CALD1: variants seen among roughly 807,000 people sequenced by gnomAD.
CALD1 encodes caldesmon 1, also known as caldesmon.
Under a neutral mutation model 99.9 loss-of-function variants are expected in CALD1, and 33 were observed. That is an observed-to-expected ratio of 0.33 (90% CI 0.25 to 0.44). The LOEUF is 0.44. Among genes scored for constraint, CALD1 ranks in the 20% least tolerant of loss-of-function variants. The pLI, the probability that CALD1 is intolerant of heterozygous loss-of-function variation, is 1.00. For synonymous variants in CALD1, 310 were observed against 325.0 expected, an observed-to-expected ratio of 0.95 and a Z score of 0.50; for missense variants, 861 against 962.1, an observed-to-expected ratio of 0.89 and a Z score of 1.39.
rs777481428 is a variant in CALD1, at chr7:134,950,508, T to A, written c.1929T>A (p.Ser643=). 1 of 1,613,386 alleles carries A rather than the reference T, an allele frequency of 6.2e-7. No individual in the cohort carries two copies. Among genetic ancestry groups the A allele is most frequent in the Non-Finnish European group, 8.5e-7 (1 of 1,179,616 alleles). ...PFKCFTPKGS[S]LKIEERAEFL... ...AGTGTTTCACTCCTAAAGGTTCATC[T>A]CTCAAGGTATTTTTTTCCCCAGAAA... Residue 643 remains serine (S), a synonymous_variant, in exon 9 of 15, where the codon TCT becomes TCA. Transcript: ENST00000361675.
chr7:134,730,913 C>T, the CALD1 span, among the ~76,000 whole-genome samples: 1 of 152,090 alleles, frequency 6.6e-6, no homozygotes, highest in African/African-American at 2.4e-5. Context: ...TCTCCCACCC[C>T]ACCTATCCTA....
chr7:134,860,072 T>G (rs1462371287), intron 2 of CALD1, among the ~76,000 whole-genome samples: 1 of 152,162 alleles, frequency 6.6e-6, no homozygotes, highest in African/African-American at 2.4e-5. Context: ...TTCCATTGAT[T>G]AGAGAAAAGA....
At chr7:134,744,933 C>T (rs567790306) in intron 1 of CALD1, among the ~76,000 whole-genome samples, 12 of 152,250 alleles carry the variant, frequency 7.9e-5, no homozygotes, top group African/African-American at 2.6e-4. Flanking sequence ...TTTAATTGTG[C>T]CACGTATCAT....
the CALD1 span, among the ~76,000 whole-genome samples, chr7:134,712,328 T>C: frequency 6.6e-6 from 1 of 152,238 alleles, no homozygotes; most frequent in Non-Finnish European, 1.5e-5. Flanking sequence ...GTCTGGAATC[T>C]GTCTTGGCGC....
upstream of CALD1, among the ~76,000 whole-genome samples, chr7:134,740,790 A>G (rs980679747): frequency 6.6e-6 from 1 of 152,168 alleles, no homozygotes; most frequent in African/African-American, 2.4e-5. Flanking sequence ...GCTTTGTTCT[A>G]TGGTCTGTCT....
the CALD1 span, among the ~76,000 whole-genome samples, chr7:134,733,703 G>A: frequency 6.6e-6 from 1 of 151,934 alleles, no homozygotes; most frequent in Non-Finnish European, 1.5e-5. Context: ...CAGCTACTGG[G>A]GAGGCTGAGG....
At chr7:134,909,184 T>C (rs935777330) in intron 3 of CALD1, among the ~76,000 whole-genome samples, 1 of 152,196 alleles carries the variant, frequency 6.6e-6, no homozygotes, top group Non-Finnish European at 1.5e-5. Flanking sequence ...GTAGCAAGGA[T>C]AGGATGATAT....
chr7:134,902,228 T>G (rs1160787775), intron 3 of CALD1, among the ~76,000 whole-genome samples: 1 of 152,100 alleles, frequency 6.6e-6, no homozygotes, highest in Non-Finnish European at 1.5e-5. Context: ...GACTTTCTTT[T>G]TAACCCCACT....
intron 1 of CALD1, among the ~76,000 whole-genome samples, chr7:134,830,590 G>A (rs560004011): frequency 6.6e-6 from 1 of 151,992 alleles, no homozygotes; most frequent in African/African-American, 2.4e-5. Flanking sequence ...AGGCCCCAGT[G>A]TGTGTTGTTC....
chr7:134,783,258 G>A lies in CALD1; in HGVS notation c.-130+3509G>A, dbSNP rs890277831. Among the ~76,000 whole-genome samples the A allele has an allele frequency of 5.9e-5, 9 of 152,116 alleles. No individual in the cohort carries two copies. The highest frequency in any genetic ancestry group is 2.2e-4 in the African/African-American group (9 of 41,406). Reference sequence around the variant, plus strand: ...GTCTTTAGTGCTCCCAGCTGTAACCGACCCTAGTTGCATCCCTAACTTCCT... The same window carrying A: ...GTCTTTAGTGCTCCCAGCTGTAACCAACCCTAGTTGCATCCCTAACTTCCT... On this transcript the variant is annotated intron_variant, in intron 1 of 14. Coordinates refer to ENST00000361675, the MANE Select transcript of CALD1 (RefSeq NM_033138.4). The surrounding 1 kb of genome is among the most constrained non-coding windows in gnomAD (Gnocchi z 4.3).
intron 3 of CALD1, among the ~76,000 whole-genome samples, chr7:134,892,096 G>C (rs56399313): frequency 6.6e-6 from 1 of 152,164 alleles, no homozygotes; most frequent in Non-Finnish European, 1.5e-5. Flanking sequence ...CCAATCCTTA[G>C]AGTAAACAGC....
At chr7:134,715,879 G>A in the CALD1 span, among the ~76,000 whole-genome samples, 1 of 152,142 alleles carries the variant, frequency 6.6e-6, no homozygotes, top group Non-Finnish European at 1.5e-5. Flanking sequence ...GGAGCTAAAA[G>A]TTACTGGATG....
At chr7:134,881,598 T>G (rs768603814) in intron 3 of CALD1, among the ~76,000 whole-genome samples, 4 of 152,218 alleles carry the variant, frequency 2.6e-5, no homozygotes, top group Non-Finnish European at 5.9e-5. Context: ...CTGGATTCAC[T>G]TCTATATTAA....
intron 3 of CALD1, among the ~76,000 whole-genome samples, chr7:134,894,888 T>C (rs1802450206): frequency 6.6e-6 from 1 of 152,198 alleles, no homozygotes; most frequent in Admixed American, 6.5e-5. Flanking sequence ...ATATTTGTTT[T>C]AGTCCATAAA....
intron 3 of CALD1, among the ~76,000 whole-genome samples, chr7:134,872,723 A>T (rs67552569): frequency 0.086 from 13,047 of 152,252 alleles, 695 homozygotes; most frequent in South Asian, 0.25. Context: ...AATGAGCAGT[A>T]ATCAGTGAAA....
intron 9 of CALD1, among the ~76,000 whole-genome samples, chr7:134,952,473 C>CTT (rs747660510): frequency 2.6e-4 from 36 of 140,938 alleles, no homozygotes; most frequent in Non-Finnish European, 4.0e-4. Flanking sequence ...TTCCCTTAGT[C>CTT]TTTTTTTTTT....
chr7:134,957,044 A>G (rs1051501513), intron 9 of CALD1, among the ~76,000 whole-genome samples: 1 of 151,956 alleles, frequency 6.6e-6, no homozygotes, highest in African/African-American at 2.4e-5. Flanking sequence ...GATTTTTTCT[A>G]TGTCCAACCC....
intron 3 of CALD1, among the ~76,000 whole-genome samples, chr7:134,905,247 T>C (rs766807734): frequency 1.3e-5 from 2 of 152,104 alleles, no homozygotes; most frequent in African/African-American, 2.4e-5. Context: ...TCCATCATGA[T>C]GATGATGATA....
rs901392081 is a variant in CALD1 at position 134,933,807 on chromosome 7, G to A, written c.1038G>A (p.Lys346=). ...CAGCAGAGGAGAGGCAGAGGATAAA[G>A]GAGGAAGAGAAAAGGGCAGCAGAGG... ...KRAAEERQRI[K]EEEKRAAEER... is the part of the protein sequence containing the mutation. The change falls in exon 5 of 15, where the codon AAG becomes AAA. Residue 346 remains lysine (K), a synonymous_variant. Transcript: ENST00000361675. 6.4e-7 allele frequency: 1 copy of A among 1,559,710 alleles called. No homozygotes were observed. Among genetic ancestry groups the A allele is most frequent in the Admixed American group, 1.9e-5 (1 of 51,344 alleles).
Sources: gnomAD v4.1 joint callset for allele counts (sites outside exome capture counted in the v4.1 genomes callset) on GRCh38, gnomAD v4.1.1 for gene constraint, Gnocchi (gnomAD v3.1) non-coding constraint, MANE v1.5 for transcripts, NCBI Gene and HGNC (gene_info 2026-07-23, HGNC 2026-07-21) for gene names.